FASTK: variants seen among roughly 807,000 people sequenced by gnomAD.
The protein encoded by FASTK is Fas activated serine/threonine kinase.
A neutral mutation model predicts 60.0 loss-of-function variants in FASTK; 28 were observed. The ratio of observed to expected loss-of-function variants is 0.47; its 90% CI spans 0.35 to 0.64. The LOEUF (loss-of-function observed/expected upper bound fraction) is 0.64. FASTK is among the 30% of genes least tolerant of loss of function. FASTK has a pLI of 0.01. For synonymous variants in FASTK, 325 were observed against 307.9 expected, an observed-to-expected ratio of 1.06 and a Z score of -0.58; for missense variants, 595 against 713.8, an observed-to-expected ratio of 0.83 and a Z score of 1.90.
In FASTK at chr7:151,079,012, G is replaced by C; in HGVS notation, c.515C>G (p.Ser172Cys). 6.8e-7 allele frequency: 1 copy of C among 1,480,372 alleles called. No individual in the cohort carries two copies. Among genetic ancestry groups the C allele is most frequent in the Admixed American group, 3.0e-5 (1 of 33,288 alleles). 91.7% of individuals were successfully genotyped at this position (1,480,372 alleles called of 1,614,324 possible). Reference protein sequence around the residue: ...LHLAVLLGFPSDGPLVCALEQ... With the variant: ...LHLAVLLGFPCDGPLVCALEQ... ...CAGGGCACACACCAGGGGACCATCA[G>C]ATGGAAAGCCTGAGGGGGAGAGGTA... Residue 172 changes from serine to cysteine, a missense_variant, in exon 3 of 10, where the codon TCT (serine) becomes TGT (cysteine). Physicochemically the swap from Ser to Cys is moderately radical, Grantham distance 112. This residue lies in a region of FASTK where 471 missense variants were observed against 605.9 expected (regional missense o/e 0.78). Transcript: ENST00000297532.
Position 151,078,655 on chromosome 7 carries a change from G to C in FASTK, c.732C>G (p.Ala244=), listed in dbSNP as rs373377472. ...ELTPHVMVLL[A]QHLARHRLRE... The stretch of plus-strand genomic sequence containing the variant: ...GCAACCGGTGCCGGGCCAGGTGCTG[G>C]GCCAGGAGCACCATCACGTGGGGAG... The change falls in exon 4 of 10, where the codon GCC becomes GCG. Residue 244 remains alanine, a synonymous_variant. Coordinates refer to ENST00000297532, the MANE Select transcript of FASTK (RefSeq NM_006712.5). The C allele has an allele frequency of 3.1e-6, 5 of 1,613,142 alleles. No individual in the cohort carries two copies. Among genetic ancestry groups the C allele is most frequent in the African/African-American group, 2.7e-5 (2 of 74,904 alleles).
intron 6 of FASTK, 47 bp from the exon 7 acceptor site, chr7:151,077,448 C>CG (rs1797725843): frequency 6.3e-7 from 1 of 1,589,240 alleles, no homozygotes; most frequent in African/African-American, 1.3e-5. Flanking sequence ...GCACCTCATC[C>CG]TAATCTGTCC....
intron 6 of FASTK, 37 bp downstream of exon 6, chr7:151,077,584 G>C (rs1797735535): frequency 1.3e-6 from 2 of 1,530,628 alleles, no homozygotes; most frequent in African/African-American, 1.4e-5. Flanking sequence ...CTGGTCCCAG[G>C]CTGGCCCCTC....
At position 151,079,643 on chromosome 7, in the gene FASTK, A is replaced by G; in HGVS notation, c.362T>C (p.Leu121Pro). The G allele has an allele frequency of 6.2e-7, 1 of 1,613,456 alleles. No individual in the cohort carries two copies. The change falls in exon 2 of 10, where the codon CTG (leucine) becomes CCG (proline). Residue 121 changes from leucine to proline, a missense_variant. Around this residue, in one of 2 missense-constraint regions of FASTK, gnomAD observed 471 missense variants for 605.9 expected, o/e 0.78. Coordinates refer to ENST00000297532, the MANE Select transcript of FASTK (RefSeq NM_006712.5). Reference protein sequence around the residue: ...AHHYSVALRRLGQLLGSRPRP... With the variant: ...AHHYSVALRRPGQLLGSRPRP... The stretch of plus-strand genomic sequence containing the variant: ...TGGCCGAGACCCCAAGAGCTGGCCC[A>G]GACGACGAAGCGCCACCGAGTAGTG...
rs1350114395 is a variant in FASTK, at chr7:151,078,002, G to A, written c.916C>T (p.Arg306Trp). 6.2e-6 allele frequency: 10 copies of A among 1,612,752 alleles called. No individual in the cohort carries two copies. The highest frequency in any genetic ancestry group is 4.0e-5 in the African/African-American group (3 of 74,924). Reference protein sequence around the residue: ...FMPCLERILAREAGVAPLATV... With the variant: ...FMPCLERILAWEAGVAPLATV... ...GCCAGGGGTGCCACCCCTGCTTCCC[G>A]AGCCAGGATCCTCTCAAGGCAGGGC... Residue 306 changes from arginine to tryptophan, a missense_variant, in exon 5 of 10, where the codon CGG becomes TGG. By Grantham distance (101) the Arg-to-Trp change is moderately radical. This residue lies in a region of FASTK where 471 missense variants were observed against 605.9 expected (regional missense o/e 0.78). Coordinates refer to ENST00000297532, the MANE Select transcript of FASTK (RefSeq NM_006712.5).
chr7:151,077,677 C>A lies in FASTK; in HGVS notation c.1143G>T (p.Gln381His). ...GYRGPRLPRR[Q>H]QVPIFPQPLI... is the part of the protein sequence containing the mutation. ...GAGGCTGGGGAAAGATGGGCACTTG[C>A]TGCCTTCGGGGAAGGCGGGGACCCC... The change falls in exon 6 of 10, where the codon CAG (glutamine) becomes CAT (histidine). Residue 381 changes from glutamine to histidine, a missense_variant. Coordinates refer to ENST00000297532, the MANE Select transcript of FASTK (RefSeq NM_006712.5). 1 of 1,581,622 alleles carries A rather than the reference C, an allele frequency of 6.3e-7. No homozygotes were observed. Among genetic ancestry groups the A allele is most frequent in the Non-Finnish European group, 8.6e-7 (1 of 1,164,928 alleles).
intron 2 of FASTK, 199 bp downstream of exon 2, chr7:151,079,301 A>C: frequency 1.6e-6 from 1 of 617,806 alleles, no homozygotes; most frequent in Non-Finnish European, 2.8e-6. Context: ...ATTAGCAGGA[A>C]TCTGGGGTGG....
In FASTK at chr7:151,077,671, C is replaced by T; in HGVS notation, c.1149G>A (p.Val383=). ...TGATGAGAGGCTGGGGAAAGATGGG[C>T]ACTTGCTGCCTTCGGGGAAGGCGGG... ...RGPRLPRRQQ[V]PIFPQPLITD... The change falls in exon 6 of 10, where the codon GTG becomes GTA. Residue 383 remains valine, a synonymous_variant. Coordinates refer to ENST00000297532, the MANE Select transcript of FASTK (RefSeq NM_006712.5). The T allele has an allele frequency of 6.3e-7, 1 of 1,577,078 alleles. No homozygotes were observed. Among genetic ancestry groups the T allele is most frequent in the Non-Finnish European group, 8.6e-7 (1 of 1,161,850 alleles).
At position 151,078,723 on chromosome 7, in the gene FASTK, G is replaced by A. The variant is rs776310117; in HGVS notation, c.686-22C>T. ...GCCTCTGTGAAGAGCAGCCTGTCAC[G>A]CTGGGCCTCAGCCGGACCTCCGGCT... On this transcript the variant is annotated intron_variant, in intron 3 of 9. Coordinates refer to ENST00000297532, the MANE Select transcript of FASTK (RefSeq NM_006712.5). 3.1e-6 allele frequency: 5 copies of A among 1,611,912 alleles called. No homozygotes were observed. The African/African-American group carries it at 4.0e-5, about 13-fold the overall frequency.
intron 1 of FASTK, 113 bp downstream of exon 1, chr7:151,080,572 T>G: frequency 7.6e-7 from 1 of 1,320,574 alleles, no homozygotes; most frequent in South Asian, 2.0e-5. Flanking sequence ...GTCGGCGAAG[T>G]CGGGGGCCCC....
rs774032246 is a variant in FASTK, at chr7:151,076,685, C to A, written c.*40G>T. The A allele has an allele frequency of 7.7e-7, 1 of 1,299,638 alleles. No individual in the cohort carries two copies. The highest frequency in any genetic ancestry group is 1.1e-6 in the Non-Finnish European group (1 of 947,680). The allele number at this position is 1,299,638 out of a possible 1,614,324, so 80.5% of individuals were successfully genotyped here. Reference sequence around the variant, plus strand: ...AGGGAACCAAAGTGCAAATCATCCACCCCCCATGGGGGGGCCATCCTGAAC... The same window carrying A: ...AGGGAACCAAAGTGCAAATCATCCAACCCCCATGGGGGGGCCATCCTGAAC... On this transcript the variant is annotated 3_prime_UTR_variant, in exon 10 of 10. Coordinates refer to ENST00000297532, the MANE Select transcript of FASTK (RefSeq NM_006712.5).
chr7:151,080,679 C>T lies in FASTK; in HGVS notation c.82+6G>A. 3 of 1,437,162 alleles carry T rather than the reference C, an allele frequency of 2.1e-6. No homozygotes were observed. The highest frequency in any genetic ancestry group is 1.4e-5 in the South Asian group (1 of 72,220). The allele number at this position is 1,437,162 out of a possible 1,614,324, so 89.0% of individuals were successfully genotyped here. A position where few individuals can be genotyped will look rare whatever the true frequency, so the allele number is the denominator to read the frequency against. ...CCGCAGCCCTCCCCGCAGGCGCCAC[C>T]CCTACATGACTCCCCGGGCCCTGCG... On this transcript the variant is annotated splice_donor_region_variant and intron_variant, in intron 1 of 9. Transcript: ENST00000297532.
Position 151,080,737 on chromosome 7 carries a change from G to GGGGCCGGGTTCCCCCCGC in FASTK, c.12_29dup (p.Gly6_Arg11dup). The GGGGCCGGGTTCCCCCCGC allele has an allele frequency of 7.6e-7, 1 of 1,317,086 alleles. No individual in the cohort carries two copies. Among genetic ancestry groups the GGGGCCGGGTTCCCCCCGC allele is most frequent in the Non-Finnish European group, 9.7e-7 (1 of 1,033,756 alleles). The allele number at this position is 1,317,086 out of a possible 1,614,324, so 81.6% of individuals were successfully genotyped here. A position where few individuals can be genotyped will look rare whatever the true frequency, so the allele number is the denominator to read the frequency against. On this transcript the variant is annotated inframe_insertion, in exon 1 of 10. Transcript: ENST00000297532. ...CTCCCTCAGTCGGTCTCGGGGCCCG[G>GGGGCCGGGTTCCCCCCGC]GGGCCGGGTTCCCCCCGCGGCCTCC... is the stretch of plus-strand genomic sequence containing the variant.
Position 151,077,314 on chromosome 7 carries a change from G to A in FASTK, c.1287C>T (p.Cys429=), listed in dbSNP as rs373457058. 326 of 1,612,978 alleles carry A rather than the reference G, an allele frequency of 2.0e-4. No homozygotes were observed. Among genetic ancestry groups the A allele is most frequent in the Non-Finnish European group, 2.7e-4 (318 of 1,180,004 alleles). Residue 429 remains cysteine, a synonymous_variant, in exon 7 of 10, where the codon TGC becomes TGT. Transcript: ENST00000297532. ...TGCCGCCTGCCCCTTGCTCACCTGT[G>A]CAGTAGCCTGGAGGCACAGTCAGGT... is the stretch of plus-strand genomic sequence containing the variant. ...RQDLTVPPGY[C]TDFLLCASSS...
intron 1 of FASTK, 130 bp from the exon 2 acceptor site, chr7:151,080,052 T>C: frequency 1.3e-6 from 1 of 755,312 alleles, no homozygotes; most frequent in South Asian, 1.9e-5. Context: ...GCTCTGGGCC[T>C]CTTCCCCACC....
chr7:151,077,852 G>A, intron 5 of FASTK, 27 bp downstream of exon 5: 1 of 1,604,874 alleles, frequency 6.2e-7, no homozygotes, highest in African/African-American at 1.3e-5. Context: ...GCCCTCAGGG[G>A]CCCAGCCAGC....
chr7:151,078,143 T>C (rs777966796), intron 4 of FASTK, 51 bp from the exon 5 acceptor site: 46 of 1,393,524 alleles, frequency 3.3e-5, no homozygotes, highest in African/African-American at 7.2e-5. Flanking sequence ...TCTGCAGTCA[T>C]CTTTTACAAG....
In FASTK at chr7:151,077,211, A is replaced by G; in HGVS notation, c.1317T>C (p.Ser439=). 6.2e-7 allele frequency: 1 copy of G among 1,612,832 alleles called. No homozygotes were observed. The highest frequency in any genetic ancestry group is 8.5e-7 in the Non-Finnish European group (1 of 1,179,606). The change falls in exon 8 of 10, where the codon TCT becomes TCC. Residue 439 remains serine, a synonymous_variant. Transcript: ENST00000297532. The part of the protein sequence containing the change: ...CTDFLLCASS[S]GAVLPVRTQD... Reference sequence around the variant, plus strand: ...GGGTCCTCACGGGAAGCACAGCACCAGAGCTGCTGGCGCACAGCAGGAAGT... The same window carrying G: ...GGGTCCTCACGGGAAGCACAGCACCGGAGCTGCTGGCGCACAGCAGGAAGT...
At chr7:151,080,153 G>A in intron 1 of FASTK, 1 of 541,284 alleles carries the variant, frequency 1.8e-6, no homozygotes, top group Non-Finnish European at 3.3e-6. Context: ...AATTCCACAT[G>A]CACCATCTCT....
Sources: allele counts gnomAD v4.1 joint callset, GRCh38; gene constraint gnomAD v4.1.1; regional missense constraint gnomAD v4.1.1; transcripts MANE v1.5; gene names NCBI Gene and HGNC (gene_info 2026-07-23, HGNC 2026-07-21).